IGDCC3: variants seen among roughly 807,000 people sequenced by gnomAD.
IGDCC3 encodes immunoglobulin superfamily DCC subclass member 3, also known as putative neuronal cell adhesion molecule.
Under a neutral mutation model 72.0 loss-of-function variants are expected in IGDCC3, and 47 were observed. The ratio of observed to expected loss-of-function variants is 0.65; its 90% CI spans 0.52 to 0.83. IGDCC3 has a LOEUF of 0.83. Ranked by LOEUF, IGDCC3 falls within the 40% of genes least tolerant of loss-of-function variation. The pLI, the probability that IGDCC3 is intolerant of heterozygous loss-of-function variation, is 0.00. For synonymous variants in IGDCC3, 477 were observed against 472.8 expected (o/e 1.01, Z -0.11); for missense variants, 1,038 against 1,091.3 (o/e 0.95, Z 0.69).
intron 5 of IGDCC3, 108 bp from the exon 6 acceptor site, chr15:65,333,523 G>A (rs547519803): frequency 1.8e-6 from 2 of 1,094,036 alleles, no homozygotes; most frequent in African/African-American, 3.2e-5. Context: ...CTTCTAGGGA[G>A]CCCCAGTCTT....
intron 8 of IGDCC3, 60 bp downstream of exon 8, chr15:65,331,352 A>C: frequency 6.4e-7 from 1 of 1,570,432 alleles, no homozygotes; most frequent in Non-Finnish European, 8.6e-7. Context: ...GACGTGCAGG[A>C]TTGGAAGGAA....
Position 65,377,757 on chromosome 15 carries a change from C to A in IGDCC3, c.32G>T (p.Arg11Leu). 6 of 1,308,864 alleles carry A rather than the reference C, an allele frequency of 4.6e-6. No homozygotes were observed. Among genetic ancestry groups the A allele is most frequent in the Non-Finnish European group, 5.8e-6 (6 of 1,034,604 alleles). The allele number at this position is 1,308,864 out of a possible 1,614,324, so 81.1% of individuals were successfully genotyped here. The change falls in exon 1 of 14, where the codon CGC becomes CTC. Residue 11 changes from arginine (R) to leucine (L), a missense_variant. Transcript: ENST00000327987. This position sits in a 1 kb window ranked among gnomAD's most constrained non-coding sequence, Gnocchi z 4.9. ...CCGGGGCCAGAGCGGGGCGGGCGGG[C>A]GGCGCGGAGACGCGGCGCGCTGCAC... MAVQRAASPR[R>L]PPAPLWPRLL... is the part of the protein sequence containing the mutation.
At chr15:65,350,094 G>T (rs1402684126) in intron 2 of IGDCC3, among the ~76,000 whole-genome samples, 1 of 152,166 alleles carries the variant, frequency 6.6e-6, no homozygotes, top group Non-Finnish European at 1.5e-5. Context: ...CATGGCTAAA[G>T]TTGGGTAATA....
At position 65,331,981 on chromosome 15, in the gene IGDCC3, G is replaced by C. The variant is rs2090981932; in HGVS notation, c.1108C>G (p.Leu370Val). ...HVTWLKNGQV[L>V]GPGGHVRLKN... ...AGCCTGACGTGGCCTCCTGGCCCCA[G>C]CACCTGTCCATTTTTCAGCCACGTG... Residue 370 changes from leucine to valine, a missense_variant, in exon 7 of 14, where the codon CTG (leucine) becomes GTG (valine). Physicochemically the swap from Leu to Val is conservative, Grantham distance 32. Transcript: ENST00000327987. 6.2e-7 allele frequency: 1 copy of C among 1,613,990 alleles called. No individual in the cohort carries two copies. Among genetic ancestry groups the C allele is most frequent in the African/African-American group, 1.3e-5 (1 of 74,938 alleles).
At chr15:65,367,650 G>A (rs1020680354) in intron 2 of IGDCC3, among the ~76,000 whole-genome samples, 1 of 152,064 alleles carries the variant, frequency 6.6e-6, no homozygotes, top group Non-Finnish European at 1.5e-5. Context: ...TCTCCACCCA[G>A]TGTCCCAGGG....
At chr15:65,338,561 G>A (rs952820850) in intron 2 of IGDCC3, among the ~76,000 whole-genome samples, 10 of 148,230 alleles carry the variant, frequency 6.7e-5, no homozygotes, top group African/African-American at 2.5e-4. Flanking sequence ...AGCCCAGCTG[G>A]CTGCACAGGT....
chr15:65,341,631 A>G (rs1242838910), intron 2 of IGDCC3, among the ~76,000 whole-genome samples: 2 of 152,258 alleles, frequency 1.3e-5, no homozygotes, highest in Admixed American at 6.5e-5. Context: ...AAGACACTGT[A>G]GAATTCTACA....
At chr15:65,347,525 G>A (rs534125505) in intron 2 of IGDCC3, among the ~76,000 whole-genome samples, 5 of 152,352 alleles carry the variant, frequency 3.3e-5, no homozygotes, top group South Asian at 2.1e-4. Context: ...CACGAGTTGG[G>A]TGAAATGAGG....
At chr15:65,337,541 G>A (rs2091041990) in intron 2 of IGDCC3, among the ~76,000 whole-genome samples, 1 of 152,166 alleles carries the variant, frequency 6.6e-6, no homozygotes, top group Non-Finnish European at 1.5e-5. Context: ...CCCAGCTGGT[G>A]TTCCCATCAG....
At position 65,333,424 on chromosome 15, in the gene IGDCC3, G is replaced by GA; in HGVS notation, c.824-10dup. On this transcript the variant is annotated splice_polypyrimidine_tract_variant and intron_variant, in intron 5 of 13. Transcript: ENST00000327987. ...CCCGATAGGGCGACCATCTGCAGAG[G>GA]AAGGGGAGGGGGGATGGGTGAGGGT... 1 of 1,591,782 alleles carries GA rather than the reference G, an allele frequency of 6.3e-7. No individual in the cohort carries two copies. The highest frequency in any genetic ancestry group is 8.6e-7 in the Non-Finnish European group (1 of 1,168,828).
intron 2 of IGDCC3, among the ~76,000 whole-genome samples, chr15:65,354,486 C>T (rs538532431): frequency 6.6e-6 from 1 of 152,194 alleles, no homozygotes; most frequent in South Asian, 2.1e-4. Flanking sequence ...ATTCCTAACT[C>T]TAACATGTTG....
chr15:65,329,179 G>A lies in IGDCC3; in HGVS notation c.2206-31C>T. The A allele has an allele frequency of 6.3e-7, 1 of 1,582,524 alleles. No individual in the cohort carries two copies. On this transcript the variant is annotated intron_variant, in intron 13 of 13. Transcript: ENST00000327987. This position sits in a 1 kb window ranked among gnomAD's most constrained non-coding sequence, Gnocchi z 4.1. ...GAAAGAGCCCGTCACACAGGCGTCA[G>A]CTTGAGGGCCAGGGCGCCAGGCTCC...
At chr15:65,365,270 C>T (rs1247565949) in intron 2 of IGDCC3, among the ~76,000 whole-genome samples, 1 of 152,188 alleles carries the variant, frequency 6.6e-6, no homozygotes, top group Non-Finnish European at 1.5e-5. Context: ...GTGTCTCTCT[C>T]ACGGTGGTCT....
chr15:65,356,372 TG>T (rs1242948071), intron 2 of IGDCC3: 1 of 151,730 alleles, frequency 6.6e-6, no homozygotes, highest in Non-Finnish European at 1.5e-5. Context: ...AAGAGGGAAA[TG>T]GTCAGAAAGG....
chr15:65,331,750 A>G, intron 7 of IGDCC3, 91 bp from the exon 8 acceptor site: 1 of 1,468,656 alleles, frequency 6.8e-7, no homozygotes, highest in Non-Finnish European at 9.1e-7. Context: ...GAGTCTTTCC[A>G]GGAGACAAAC....
intron 2 of IGDCC3, among the ~76,000 whole-genome samples, chr15:65,343,423 CG>C (rs1595755382): frequency 6.7e-6 from 1 of 148,918 alleles, no homozygotes; most frequent in Non-Finnish European, 1.5e-5. Context: ...ACATGTGTTG[CG>C]GGGGCGAGCA....
chr15:65,340,200 C>T (rs1214976741), intron 2 of IGDCC3, among the ~76,000 whole-genome samples: 1 of 151,988 alleles, frequency 6.6e-6, no homozygotes, highest in African/African-American at 2.4e-5. Context: ...GATCTAGGGC[C>T]GCTCAGGGAG....
Position 65,331,158 on chromosome 15 carries a change from C to T in IGDCC3, c.1453G>A (p.Val485Ile), listed in dbSNP as rs552951892. 9 of 1,613,928 alleles carry T rather than the reference C, an allele frequency of 5.6e-6. No individual in the cohort carries two copies. Among genetic ancestry groups the T allele is most frequent in the Non-Finnish European group, 8.5e-7 (1 of 1,180,010 alleles). ...GCTGTGGAGGGCTCCAGGTCGCTGA[C>T]CAGGTGCTGAAAGGTGCTCTTGCTG... is the stretch of plus-strand genomic sequence containing the variant. Reference protein sequence around the residue: ...AVSKSTFQHLVSDLEPSTAYS... With the variant: ...AVSKSTFQHLISDLEPSTAYS... Residue 485 changes from valine to isoleucine, a missense_variant, in exon 9 of 14, where the codon GTC (valine) becomes ATC (isoleucine). Transcript: ENST00000327987.
chr15:65,369,003 C>G (rs1055615959), intron 2 of IGDCC3, among the ~76,000 whole-genome samples: 18 of 152,146 alleles, frequency 1.2e-4, no homozygotes, highest in Non-Finnish European at 2.1e-4. Flanking sequence ...CCTTTAGGAG[C>G]TTAAAATCTA....
Sources: allele counts gnomAD v4.1 joint callset (sites outside exome capture counted in the v4.1 genomes callset), GRCh38; gene constraint gnomAD v4.1.1; non-coding constraint Gnocchi (gnomAD v3.1); transcripts MANE v1.5; gene names NCBI Gene and HGNC (gene_info 2026-07-23, HGNC 2026-07-21).